Variants in BRD8 observed in about 807,000 individuals in gnomAD.
The protein encoded by BRD8 is bromodomain-containing protein 8.
BRD8 carries 67 observed loss-of-function variants against 143.1 expected under a neutral mutation model. The observed-to-expected ratio is 0.47, with a 90% CI of 0.38 to 0.57. The LOEUF is 0.57. BRD8 is among the 20% of genes least tolerant of loss of function. The probability of loss-of-function intolerance (pLI) is 0.00; values close to 1 mark genes in which losing one functional copy is unlikely to be tolerated. For missense variants in BRD8, 1,103 were observed against 1,503.0 expected (o/e 0.73, Z 4.40); for synonymous variants, 505 against 517.1 (o/e 0.98, Z 0.32).
At chr5:138,140,541 G>A in intron 26 of BRD8, 164 bp downstream of exon 26, 1 of 768,624 alleles carries the variant, frequency 1.3e-6, no homozygotes. Flanking sequence ...TGGACTTACT[G>A]AGGCTCAGGG....
chr5:138,166,765 A>C (rs773505634), intron 9 of BRD8, 38 bp from the exon 10 acceptor site: 6 of 1,273,110 alleles, frequency 4.7e-6, no homozygotes, highest in Admixed American at 3.6e-5. Context: ...AAGTAAGAAG[A>C]AAGCACATAA....
In BRD8 at chr5:138,173,188, A is replaced by C. The variant is rs541846030; in HGVS notation, c.117-1054T>G. Among the ~76,000 whole-genome samples, 33 of 152,274 alleles carry C rather than the reference A, an allele frequency of 2.2e-4. No individual in the cohort carries two copies. In the South Asian group the frequency reaches 6.8e-3, roughly 32 times the overall value. On this transcript the variant is annotated intron_variant, in intron 2 of 26. Coordinates refer to ENST00000254900, the MANE Select transcript of BRD8 (RefSeq NM_139199.2). ...CGAGGAGGGCAGACTGCTTGAGATG[A>C]GGAGTTTGAGACCAGCCTGGCCAAT...
At chr5:138,147,195 GA>G (rs1251333743) in intron 23 of BRD8, among the ~76,000 whole-genome samples, 2 of 151,420 alleles carry the variant, frequency 1.3e-5, no homozygotes, top group Admixed American at 1.3e-4. Flanking sequence ...AGTACTTTGG[GA>G]GGCTGAGGTG....
At chr5:138,169,132 C>A in intron 8 of BRD8, 90 bp downstream of exon 8, 2 of 1,436,056 alleles carry the variant, frequency 1.4e-6, no homozygotes, top group Admixed American at 2.1e-5. Context: ...AGGAAGTTGC[C>A]TCTAGGCCAA....
In BRD8 at chr5:138,177,678, G is replaced by GATAA; in HGVS notation, c.20-12_20-11insTTAT. The GATAA allele has an allele frequency of 2.4e-6, 3 of 1,247,790 alleles. No individual in the cohort carries two copies. The highest frequency in any genetic ancestry group is 3.2e-6 in the Non-Finnish European group (3 of 937,936). 77.3% of individuals were successfully genotyped at this position (1,247,790 alleles called of 1,614,324 possible). A position where few individuals can be genotyped will look rare whatever the true frequency, so the allele number is the denominator to read the frequency against. ...TTAGCAGCTTGTGTTCTGGGAAAGG[G>GATAA]AGAAAAAAAAAAAAGCCTTGGAAAC... On this transcript the variant is annotated splice_polypyrimidine_tract_variant and intron_variant, in intron 1 of 26. Transcript: ENST00000254900.
rs1248131394 is a variant in BRD8 at position 138,163,042 on chromosome 5, A to ACAG, written c.2087+87_2087+88insCTG. ...AAGGAAAGGGAAAAGAAAAGAAAAG[A>ACAG]GAAAAGACAGGAAGGAAGGAAGGAA... On this transcript the variant is annotated intron_variant, in intron 15 of 26. Coordinates refer to ENST00000254900, the MANE Select transcript of BRD8 (RefSeq NM_139199.2). 1.1e-3 allele frequency: 220 copies of ACAG among 199,206 alleles called. 3 individuals are homozygous for ACAG. The highest frequency in any genetic ancestry group is 6.6e-3 in the South Asian group (140 of 21,064). 12.3% of individuals were successfully genotyped at this position (199,206 alleles called of 1,614,324 possible).
intron 20 of BRD8, chr5:138,157,140 C>T (rs986426264): frequency 1.5e-5 from 24 of 1,601,668 alleles, no homozygotes; most frequent in African/African-American, 2.7e-5. Flanking sequence ...GAACTGGGCC[C>T]GCAAGCCCAA....
Position 138,171,048 on chromosome 5 carries a change from C to G in BRD8, c.349G>C (p.Glu117Gln). Residue 117 changes from glutamate to glutamine, a missense_variant, in exon 5 of 27, where the codon GAG (glutamate) becomes CAG (glutamine). Physicochemically the swap from Glu to Gln is conservative, Grantham distance 29. This residue lies in a region of BRD8 where 334 missense variants were observed against 372.5 expected (regional missense o/e 0.90). Coordinates refer to ENST00000254900, the MANE Select transcript of BRD8 (RefSeq NM_139199.2). ...ELKKVIKETQERYRRLKRDAE... is the reference protein window; with the variant it reads ...ELKKVIKETQQRYRRLKRDAE... ...CTCTCTGATAAGTACCTATATCTCT[C>G]CTGGGTTTCCTTTATCACTTTCTTT... 1 of 1,613,736 alleles carries G rather than the reference C, an allele frequency of 6.2e-7. No homozygotes were observed. The highest frequency in any genetic ancestry group is 8.5e-7 in the Non-Finnish European group (1 of 1,179,952).
At chr5:138,173,009 C>T (rs1754016204) in intron 2 of BRD8, among the ~76,000 whole-genome samples, 3 of 152,004 alleles carry the variant, frequency 2.0e-5, no homozygotes, top group South Asian at 2.1e-4. Flanking sequence ...GGGATAGTAA[C>T]GGGAGGAAGA....
intron 25 of BRD8, among the ~76,000 whole-genome samples, chr5:138,143,408 G>A (rs1379007952): frequency 6.6e-6 from 1 of 152,174 alleles, no homozygotes; most frequent in African/African-American, 2.4e-5. Flanking sequence ...GAGCCCAGGA[G>A]GTCAAGGCTG....
At position 138,170,314 on chromosome 5, in the gene BRD8, T is replaced by C. The variant is rs143465009; in HGVS notation, c.505+31A>G. 6.7e-4 allele frequency: 955 copies of C among 1,430,948 alleles called. 8 individuals are homozygous for C. In the East Asian group the frequency reaches 0.02, roughly 30 times the overall value. 88.6% of individuals were successfully genotyped at this position (1,430,948 alleles called of 1,614,324 possible). ...TTAGCATGCAGTACTGTGCAATCAATTGCTAAAGAGGCATACTAGGTTCAG... is the reference window on the plus strand; with the variant it reads ...TTAGCATGCAGTACTGTGCAATCAACTGCTAAAGAGGCATACTAGGTTCAG... On this transcript the variant is annotated intron_variant, in intron 7 of 26. Coordinates refer to ENST00000254900, the MANE Select transcript of BRD8 (RefSeq NM_139199.2).
Position 138,164,149 on chromosome 5 carries a change from A to C in BRD8, c.1826-16T>G. ...TTCAATGAGTCTGCAGAGGAGAGAA[A>C]GACTACCTGAAGATTTTTCCACCTT... On this transcript the variant is annotated splice_polypyrimidine_tract_variant and intron_variant, in intron 13 of 26. Transcript: ENST00000254900. 1 of 1,613,840 alleles carries C rather than the reference A, an allele frequency of 6.2e-7. No homozygotes were observed. The highest frequency in any genetic ancestry group is 2.2e-5 in the East Asian group (1 of 44,884).
In BRD8 at chr5:138,177,680, G is replaced by GA. The variant is rs10671440; in HGVS notation, c.20-14dup. 0.099 allele frequency: 112,854 copies of GA among 1,134,384 alleles called. 618 individuals carry two copies. The highest frequency in any genetic ancestry group is 0.19 in the African/African-American group (11,355 of 60,218). 70.3% of individuals were successfully genotyped at this position (1,134,384 alleles called of 1,614,324 possible). ...AGCAGCTTGTGTTCTGGGAAAGGGA[G>GA]AAAAAAAAAAAAGCCTTGGAAACAA... On this transcript the variant is annotated splice_polypyrimidine_tract_variant and intron_variant, in intron 1 of 26. Transcript: ENST00000254900.
chr5:138,160,836 C>T, intron 18 of BRD8, 55 bp downstream of exon 18: 1 of 1,480,116 alleles, frequency 6.8e-7, no homozygotes, highest in Non-Finnish European at 9.1e-7. Context: ...ATGAATCCTC[C>T]CCTTGAAGTA....
chr5:138,153,153 G>A (rs575190151), intron 20 of BRD8, among the ~76,000 whole-genome samples: 74 of 152,290 alleles, frequency 4.9e-4, no homozygotes, highest in Non-Finnish European at 8.7e-4. Flanking sequence ...AACAAATTGA[G>A]GGGGCAGGGG....
chr5:138,150,951 A>T lies in BRD8; in HGVS notation c.2914T>A (p.Cys972Ser), dbSNP rs79552163. 45,526 of 1,614,102 alleles carry T rather than the reference A, an allele frequency of 0.028. 782 individuals carry two copies. The highest frequency in any genetic ancestry group is 0.037 in the Middle Eastern group (225 of 6,060). The change falls in exon 22 of 27, where the codon TGC (cysteine) becomes AGC (serine). Residue 972 changes from cysteine (C) to serine (S), a missense_variant. Physicochemically the swap from Cys to Ser is moderately radical, Grantham distance 112 (BLOSUM62 -1). Around this residue, in one of 7 missense-constraint regions of BRD8, gnomAD observed 369 missense variants for 445.5 expected, o/e 0.83. Coordinates refer to ENST00000254900, the MANE Select transcript of BRD8 (RefSeq NM_139199.2). ...TCTTGTCTGGTACCAGATGGAGGGC[A>T]GCAGCCTTCACTTGATTCGTTGCTG... ...ISSNESSEGC[C>S]PPSGTRQEGR...
intron 3 of BRD8, among the ~76,000 whole-genome samples, 183 bp from the exon 4 acceptor site, chr5:138,171,593 C>T (rs1258278128): frequency 6.6e-6 from 1 of 152,050 alleles, no homozygotes; most frequent in Non-Finnish European, 1.5e-5. Context: ...AAACAAGACA[C>T]AGAAAAAGAC....
At chr5:138,140,937 A>G (rs963603271) in intron 25 of BRD8, 55 bp from the exon 26 acceptor site, 1 of 1,578,062 alleles carries the variant, frequency 6.3e-7, no homozygotes, top group African/African-American at 1.3e-5. Context: ...GGAACATATG[A>G]TAACCTAACA....
chr5:138,168,186 A>T, intron 8 of BRD8, 108 bp from the exon 9 acceptor site: 3 of 780,652 alleles, frequency 3.8e-6, no homozygotes, highest in Non-Finnish European at 6.4e-6. Context: ...AATAGCTAAT[A>T]TCCACAGAGA....
Sources: gnomAD v4.1 joint callset for allele counts (sites outside exome capture counted in the v4.1 genomes callset) on GRCh38, gnomAD v4.1.1 for gene constraint, gnomAD v4.1.1 regional missense constraint, MANE v1.5 for transcripts, NCBI Gene and HGNC (gene_info 2026-07-23, HGNC 2026-07-21) for gene names.